PPT1: variants seen among roughly 807,000 people sequenced by gnomAD.
The protein encoded by PPT1 is palmitoyl-protein thioesterase 1.
Under a neutral mutation model 44.0 loss-of-function variants are expected in PPT1, and 24 were observed. That is an observed-to-expected ratio of 0.54 (90% confidence interval 0.39 to 0.77). PPT1 has a LOEUF of 0.77. Among genes scored for constraint, PPT1 ranks in the 30% least tolerant of loss-of-function variants. The pLI is 0.00. For missense variants in PPT1, 341 were observed against 378.8 expected, an observed-to-expected ratio of 0.90 and a Z score of 0.83; for synonymous variants, 148 against 140.2, an observed-to-expected ratio of 1.06 and a Z score of -0.39.
chr1:40,077,659 G>A (rs1189017503), intron 7 of PPT1, among the ~76,000 whole-genome samples: 2 of 152,218 alleles, frequency 1.3e-5, no homozygotes, highest in Non-Finnish European at 2.9e-5. Flanking sequence ...AACGTGATGA[G>A]TGTTTTAACA....
chr1:40,081,891 G>A (rs1406065119), intron 5 of PPT1, among the ~76,000 whole-genome samples: 1 of 152,180 alleles, frequency 6.6e-6, no homozygotes, highest in Non-Finnish European at 1.5e-5. Context: ...GAAAATGTGG[G>A]AAAGCTTGGA....
chr1:40,085,541 CCCA>C (rs1649217376), intron 5 of PPT1, among the ~76,000 whole-genome samples: 1 of 152,116 alleles, frequency 6.6e-6, no homozygotes, highest in South Asian at 2.1e-4. Context: ...GGGAGAAAAA[CCCA>C]CCGACCCTGT....
intron 4 of PPT1, 121 bp downstream of exon 4, chr1:40,091,208 G>T: frequency 9.6e-7 from 1 of 1,042,398 alleles, no homozygotes. Context: ...AAAAGCTAGA[G>T]AAACAGGATT....
At chr1:40,093,703 G>A (rs996882137) in intron 1 of PPT1, among the ~76,000 whole-genome samples, 10 of 151,606 alleles carry the variant, frequency 6.6e-5, no homozygotes, top group Admixed American at 5.9e-4. Context: ...TGGGCAACAT[G>A]GTGAAACCCC....
chr1:40,079,008 T>C (rs1014424196), intron 6 of PPT1, among the ~76,000 whole-genome samples: 1 of 152,152 alleles, frequency 6.6e-6, no homozygotes, highest in Non-Finnish European at 1.5e-5. Flanking sequence ...CTCCCAGCTT[T>C]TGGAGTCTCC....
intron 5 of PPT1, among the ~76,000 whole-genome samples, chr1:40,084,511 G>A (rs1383947397): frequency 1.3e-5 from 2 of 152,200 alleles, no homozygotes; most frequent in Non-Finnish European, 2.9e-5. Flanking sequence ...ATGAAAGGAA[G>A]AGTCAACTGA....
intron 5 of PPT1, among the ~76,000 whole-genome samples, chr1:40,080,744 G>A (rs961311107): frequency 6.6e-6 from 1 of 152,080 alleles, no homozygotes; most frequent in Non-Finnish European, 1.5e-5. Context: ...CGCGGCGGCA[G>A]GCGCCTGTAA....
In PPT1 at chr1:40,092,485, T is replaced by G. The variant is rs781048683; in HGVS notation, c.147A>C (p.Leu49Phe). Residue 49 changes from leucine (L) to phenylalanine (F), a missense_variant, in exon 2 of 9, where the codon TTA becomes TTC. Coordinates refer to ENST00000642050, the MANE Select transcript of PPT1 (RefSeq NM_000310.4). ...CCATTTTTTTAATAGCACCCATGCTTAAGGGATTGCAACAGCTGTCTCCTA... is the reference window on the plus strand; with the variant it reads ...CCATTTTTTTAATAGCACCCATGCTGAAGGGATTGCAACAGCTGTCTCCTA... Reference protein sequence around the residue: ...HGMGDSCCNPLSMGAIKKMVE... With the variant: ...HGMGDSCCNPFSMGAIKKMVE... 1.9e-6 allele frequency: 3 copies of G among 1,613,264 alleles called. No homozygotes were observed. Among genetic ancestry groups the G allele is most frequent in the Non-Finnish European group, 2.5e-6 (3 of 1,179,228 alleles).
intron 5 of PPT1, among the ~76,000 whole-genome samples, chr1:40,085,961 T>C (rs1046908302): frequency 1.3e-5 from 2 of 152,142 alleles, no homozygotes; most frequent in Non-Finnish European, 2.9e-5. Context: ...TGCCTTAATA[T>C]TTCCAGAAAA....
chr1:40,097,190 A>G lies in PPT1; in HGVS notation c.49T>C (p.Trp17Arg), dbSNP rs775853398. ...LWLLAVALLPWTCASRALQHL... is the reference protein window; with the variant it reads ...LWLLAVALLPRTCASRALQHL... ...TGCAGCGCCCGAGAAGCGCAGGTCC[A>G]TGGCAGGAGAGCCACAGCCAAGAGC... Residue 17 changes from tryptophan to arginine, a missense_variant, in exon 1 of 9, where the codon TGG (tryptophan) becomes CGG (arginine). Physicochemically the swap from Trp to Arg is moderately radical, Grantham distance 101. Coordinates refer to ENST00000642050, the MANE Select transcript of PPT1 (RefSeq NM_000310.4). The G allele has an allele frequency of 1.9e-6, 3 of 1,614,050 alleles. No homozygotes were observed. The highest frequency in any genetic ancestry group is 2.2e-5 in the East Asian group (1 of 44,868).
chr1:40,074,797 T>C (rs944270412), intron 8 of PPT1, among the ~76,000 whole-genome samples: 6 of 152,060 alleles, frequency 3.9e-5, no homozygotes, highest in Admixed American at 1.3e-4. Context: ...AAAATAGATA[T>C]GCAATTGAGA....
intron 6 of PPT1, among the ~76,000 whole-genome samples, chr1:40,080,095 A>C (rs1648840763): frequency 6.6e-6 from 1 of 152,188 alleles, no homozygotes; most frequent in Non-Finnish European, 1.5e-5. Context: ...CCATCAGGAA[A>C]GCTTCCCTCA....
At chr1:40,096,993 G>A in intron 1 of PPT1, 122 bp downstream of exon 1, 2 of 1,550,788 alleles carry the variant, frequency 1.3e-6, no homozygotes. Context: ...ATCCTAAAAT[G>A]TCGAGGCAGC....
chr1:40,077,576 G>A (rs1648692192), intron 7 of PPT1, among the ~76,000 whole-genome samples: 1 of 152,154 alleles, frequency 6.6e-6, no homozygotes, highest in Admixed American at 6.5e-5. Context: ...TTACTCGTGG[G>A]TAGCACCAAA....
chr1:40,080,108 A>C (rs1159255764), intron 6 of PPT1, among the ~76,000 whole-genome samples: 5 of 152,144 alleles, frequency 3.3e-5, no homozygotes, highest in Admixed American at 6.5e-5. Context: ...TTCCCTCATT[A>C]AGACAGCAGC....
intron 5 of PPT1, among the ~76,000 whole-genome samples, chr1:40,085,421 G>A (rs35533641): frequency 0.1 from 15,373 of 151,968 alleles, 860 homozygotes; most frequent in East Asian, 0.15. Context: ...CCTGGCATTC[G>A]GGGCCGCTAC....
intron 8 of PPT1, among the ~76,000 whole-genome samples, chr1:40,075,854 G>T (rs1417427781): frequency 6.9e-6 from 1 of 144,490 alleles, no homozygotes; most frequent in African/African-American, 2.6e-5. Flanking sequence ...CCAGCTACTA[G>T]TGAGGCTGAG....
Position 40,080,445 on chromosome 1 carries a change from A to T in PPT1, c.579T>A (p.Asp193Glu). 6.2e-7 allele frequency: 1 copy of T among 1,613,970 alleles called. No homozygotes were observed. The highest frequency in any genetic ancestry group is 2.2e-5 in the East Asian group (1 of 44,866). Residue 193 changes from aspartate to glutamate, a missense_variant, in exon 6 of 9, where the codon GAT becomes GAA. Transcript: ENST00000642050. ...AGAAGATGCTGTGGTTGCGATACACATCCTCCTTTATGGGGTCATGCCAGT... is the reference window on the plus strand; with the variant it reads ...AGAAGATGCTGTGGTTGCGATACACTTCCTCCTTTATGGGGTCATGCCAGT... ...AEYWHDPIKE[D>E]VYRNHSIFLA...
chr1:40,094,967 T>C (rs1649770661), intron 1 of PPT1, among the ~76,000 whole-genome samples: 1 of 152,188 alleles, frequency 6.6e-6, no homozygotes, highest in Non-Finnish European at 1.5e-5. Flanking sequence ...CTTGCAAGTG[T>C]TTGTATTTGC....
Sources: allele counts gnomAD v4.1 joint callset (sites outside exome capture counted in the v4.1 genomes callset), GRCh38; gene constraint gnomAD v4.1.1; transcripts MANE v1.5; gene names NCBI Gene and HGNC (gene_info 2026-07-23, HGNC 2026-07-21).